HIF3A: variants seen among roughly 807,000 people sequenced by gnomAD.
HIF3A encodes the protein hypoxia-inducible factor 3-alpha.
Under a neutral mutation model 67.2 loss-of-function variants are expected in HIF3A, and 41 were observed. The ratio of observed to expected loss-of-function variants is 0.61; its 90% CI spans 0.48 to 0.79. The LOEUF is 0.79. Among genes scored for constraint, HIF3A ranks in the 30% least tolerant of loss-of-function variants. The pLI is 0.00. For missense variants in HIF3A, 855 were observed against 898.0 expected, an observed-to-expected ratio of 0.95 and a Z score of 0.61; for synonymous variants, 356 against 374.8, an observed-to-expected ratio of 0.95 and a Z score of 0.58.
At chr19:46,304,629 C>T (rs917274353) in intron 2 of HIF3A, among the ~76,000 whole-genome samples, 4 of 152,048 alleles carry the variant, frequency 2.6e-5, no homozygotes, top group South Asian at 2.1e-4. Context: ...CACGTGCACG[C>T]GCGCGTGCAC....
chr19:46,307,781 T>C (rs1306194925), intron 3 of HIF3A, among the ~76,000 whole-genome samples: 1 of 147,482 alleles, frequency 6.8e-6, no homozygotes, highest in Admixed American at 6.8e-5. Context: ...AATAGCCAGG[T>C]GTAGTGGCAT....
chr19:46,312,454 C>A (rs116478928), intron 7 of HIF3A, 52 bp from the exon 8 acceptor site: 1 of 1,607,676 alleles, frequency 6.2e-7, no homozygotes, highest in South Asian at 1.1e-5. Context: ...AGATATTTCT[C>A]TCCCCATTTG....
intron 8 of HIF3A, among the ~76,000 whole-genome samples, chr19:46,314,651 G>A (rs1409234028): frequency 2.1e-5 from 3 of 146,320 alleles, no homozygotes; most frequent in African/African-American, 2.5e-5. Context: ...TCCGCCTCCC[G>A]GGTTCAAGCA....
intron 2 of HIF3A, 65 bp from the exon 3 acceptor site, chr19:46,305,180 G>A (rs1458945220): frequency 1.2e-6 from 2 of 1,609,810 alleles, no homozygotes; most frequent in Non-Finnish European, 1.7e-6. Context: ...GCTAGCCCAG[G>A]GTCAGTCCAT....
rs1220325797 is a variant in HIF3A at position 46,341,630 on chromosome 19, C to A, written c.*2008C>A. The A allele has an allele frequency of 2.0e-5, 3 of 149,732 alleles. No individual in the cohort carries two copies. The highest frequency in any genetic ancestry group is 2.5e-5 in the African/African-American group (1 of 39,768). 9.3% of individuals were successfully genotyped at this position (149,732 alleles called of 1,614,324 possible). A position where few individuals can be genotyped will look rare whatever the true frequency, so the allele number is the denominator to read the frequency against. On this transcript the variant is annotated 3_prime_UTR_variant, in exon 15 of 15. Transcript: ENST00000377670. The stretch of plus-strand genomic sequence containing the variant: ...AGTTTGATGTGTTTATCTCTTTTTT[C>A]TTCCTCTTCTTTTTTTTTTTTTTCT...
chr19:46,309,650 G>A (rs4803927), intron 6 of HIF3A, among the ~76,000 whole-genome samples: 92,332 of 151,726 alleles, frequency 0.61, 28,698 homozygotes, highest in Non-Finnish European at 0.69. Flanking sequence ...GTGAGCCACC[G>A]CACCTGGCCT....
intron 13 of HIF3A, among the ~76,000 whole-genome samples, chr19:46,332,350 A>G (rs369571150): frequency 2.0e-5 from 3 of 151,764 alleles, no homozygotes; most frequent in East Asian, 1.9e-4. Context: ...CCTGGGCAAC[A>G]TAGTAAGATG....
chr19:46,313,140 A>C, intron 8 of HIF3A: 1 of 534,970 alleles, frequency 1.9e-6, no homozygotes, highest in Non-Finnish European at 2.4e-6. Flanking sequence ...AATCCCAACT[A>C]CTCGGGAGGC....
chr19:46,311,685 A>AC (rs1051792621), intron 6 of HIF3A, among the ~76,000 whole-genome samples: 2 of 151,468 alleles, frequency 1.3e-5, no homozygotes, highest in Non-Finnish European at 2.9e-5. Flanking sequence ...ACATAGTGAG[A>AC]CCCCCATCTC....
At chr19:46,335,346 T>G (rs1971536427) in intron 14 of HIF3A, among the ~76,000 whole-genome samples, 1 of 152,024 alleles carries the variant, frequency 6.6e-6, no homozygotes, top group Non-Finnish European at 1.5e-5. Flanking sequence ...CTCGGCTCAC[T>G]GCAACCTCCG....
chr19:46,309,857 C>A (rs763699480), intron 6 of HIF3A, among the ~76,000 whole-genome samples: 3 of 152,050 alleles, frequency 2.0e-5, no homozygotes, highest in Non-Finnish European at 4.4e-5. Flanking sequence ...GAGGCCGATG[C>A]GGGAGAATTG....
At chr19:46,323,862 A>G (rs1391564255) in intron 10 of HIF3A, among the ~76,000 whole-genome samples, 1 of 152,130 alleles carries the variant, frequency 6.6e-6, no homozygotes, top group Non-Finnish European at 1.5e-5. Flanking sequence ...TATCACGAGG[A>G]CAGTATGGGA....
chr19:46,322,838 G>A (rs1258486531), intron 10 of HIF3A, among the ~76,000 whole-genome samples: 2 of 152,160 alleles, frequency 1.3e-5, no homozygotes, highest in Admixed American at 6.6e-5. Flanking sequence ...CACGGATACG[G>A]ATGAAGGGAT....
chr19:46,304,221 C>G (rs1229921281), intron 2 of HIF3A, 133 bp downstream of exon 2: 4 of 719,768 alleles, frequency 5.6e-6, no homozygotes, highest in Non-Finnish European at 9.0e-6. Flanking sequence ...TTTTTTTCGG[C>G]GGAGCCCCAC....
Position 46,325,543 on chromosome 19 carries a change from C to T in HIF3A, c.1344C>T (p.Leu448=), listed in dbSNP as rs903587360. The T allele has an allele frequency of 1.9e-6, 3 of 1,612,172 alleles. No homozygotes were observed. Among genetic ancestry groups the T allele is most frequent in the Non-Finnish European group, 2.5e-6 (3 of 1,179,134 alleles). ...ACTCCATCTCTCCACAGGCTGATCT[C>T]CCAGATGAACTACCTGTGGGCACCG... The part of the protein sequence containing the change: ...RHPQSPLSAD[L]PDELPVGTEN... The change falls in exon 11 of 15, where the codon CTC becomes CTT. Residue 448 remains leucine, a synonymous_variant. Coordinates refer to ENST00000377670, the MANE Select transcript of HIF3A (RefSeq NM_152795.4).
intron 2 of HIF3A, 142 bp from the exon 3 acceptor site, chr19:46,305,103 C>T (rs1482664855): frequency 1.7e-6 from 2 of 1,196,272 alleles, no homozygotes; most frequent in Admixed American, 3.4e-5. Flanking sequence ...ATCCAGGCCA[C>T]TAGGATGTAC....
chr19:46,332,370 C>CAA (rs567991296), intron 13 of HIF3A, among the ~76,000 whole-genome samples: 4 of 127,266 alleles, frequency 3.1e-5, no homozygotes, highest in African/African-American at 1.2e-4. Flanking sequence ...GCTGTCTGTA[C>CAA]AAAAAAAAAA....
intron 14 of HIF3A, chr19:46,338,299 T>C (rs1172354338): frequency 4.4e-6 from 2 of 452,864 alleles, no homozygotes; most frequent in Middle Eastern, 4.2e-4. Context: ...CCTCCTGGGC[T>C]CAAGTGATCC....
intron 11 of HIF3A, among the ~76,000 whole-genome samples, chr19:46,326,454 CAATAACATAAG>C (rs1188713103): frequency 6.6e-6 from 1 of 152,096 alleles, no homozygotes; most frequent in Non-Finnish European, 1.5e-5. Flanking sequence ...CTGTGGGAGG[CAATAACATAAG>C]AGTGTGAACA....
Sources: gnomAD v4.1 joint callset for allele counts (sites outside exome capture counted in the v4.1 genomes callset) on GRCh38, gnomAD v4.1.1 for gene constraint, MANE v1.5 for transcripts, NCBI Gene and HGNC (gene_info 2026-07-23, HGNC 2026-07-21) for gene names.